The following SORCS2 variants were observed in gnomAD, a reference collection of about 807,000 sequenced individuals.
SORCS2 encodes sortilin related VPS10 domain containing receptor 2.
Under a neutral mutation model 141.6 loss-of-function variants are expected in SORCS2, and 100 were observed. That is an observed-to-expected ratio of 0.71 (90% CI 0.60 to 0.83). The LOEUF (loss-of-function observed/expected upper bound fraction) is 0.83. Ranked by LOEUF, SORCS2 falls within the 40% of genes least tolerant of loss-of-function variation. The pLI is 0.00. For missense variants in SORCS2, 1,646 were observed against 1,560.2 expected (o/e 1.05, Z -0.93); for synonymous variants, 789 against 676.9 (o/e 1.17, Z -2.57).
At chr4:7,643,232 T>C (rs1219098682) in intron 4 of SORCS2, among the ~76,000 whole-genome samples, 2 of 152,160 alleles carry the variant, frequency 1.3e-5, no homozygotes, top group Non-Finnish European at 2.9e-5. Flanking sequence ...TATGCATTTC[T>C]TCCAAGGCTC....
intron 2 of SORCS2, among the ~76,000 whole-genome samples, chr4:7,455,640 G>C (rs577550564): frequency 2.6e-4 from 39 of 148,040 alleles, no homozygotes; most frequent in African/African-American, 9.2e-4. Flanking sequence ...CAGGCGCCGT[G>C]TTGGGGTCAG....
chr4:7,649,290 C>T (rs948173849), intron 4 of SORCS2, among the ~76,000 whole-genome samples: 5 of 142,514 alleles, frequency 3.5e-5, no homozygotes, highest in African/African-American at 7.7e-5. Context: ...CTGAGCCGAG[C>T]GTGCCTGGGG....
At position 7,648,720 on chromosome 4, in the gene SORCS2, C is replaced by T. The variant is rs1467303384; in HGVS notation, c.814-5414C>T. Among the ~76,000 whole-genome samples, 1 of 151,966 alleles carries T rather than the reference C, an allele frequency of 6.6e-6. No individual in the cohort carries two copies. The highest frequency in any genetic ancestry group is 2.4e-5 in the African/African-American group (1 of 41,344). On this transcript the variant is annotated intron_variant, in intron 4 of 26. Transcript: ENST00000507866. This position sits in a 1 kb window ranked among gnomAD's most constrained non-coding sequence, Gnocchi z 4.2. ...GCTCAGAATGTGAGCTTGGACCTGC[C>T]ATGGTGGAGGAAGAGAGGCTAGAAA...
intron 2 of SORCS2, among the ~76,000 whole-genome samples, chr4:7,491,630 G>A (rs1377418727): frequency 6.6e-6 from 1 of 152,234 alleles, no homozygotes; most frequent in Non-Finnish European, 1.5e-5. Context: ...CTGAGCTTCT[G>A]TGATCTCATT....
At chr4:7,387,813 GATAC>G (rs1723531764) in intron 1 of SORCS2, among the ~76,000 whole-genome samples, 1 of 48,696 alleles carries the variant, frequency 2.1e-5, no homozygotes, top group Non-Finnish European at 3.7e-5. Context: ...TGCACACACA[GATAC>G]AGAGATACAC....
At chr4:7,610,187 T>G (rs563014900) in intron 3 of SORCS2, among the ~76,000 whole-genome samples, 1 of 152,314 alleles carries the variant, frequency 6.6e-6, no homozygotes, top group South Asian at 2.1e-4. Context: ...GTTCCGAAGA[T>G]GCAATTAGCC....
chr4:7,427,509 G>A (rs1309472734), intron 2 of SORCS2, among the ~76,000 whole-genome samples: 1 of 152,320 alleles, frequency 6.6e-6, no homozygotes, highest in Non-Finnish European at 1.5e-5. Flanking sequence ...GCTGGGCTGC[G>A]CCTGGGACTT....
At chr4:7,455,810 C>T (rs911174847) in intron 2 of SORCS2, among the ~76,000 whole-genome samples, 4 of 152,034 alleles carry the variant, frequency 2.6e-5, no homozygotes, top group African/African-American at 9.7e-5. Flanking sequence ...GTGTTAGGGT[C>T]AGGCTCTGTG....
At chr4:7,297,708 G>A (rs533667934) in intron 1 of SORCS2, among the ~76,000 whole-genome samples, 1 of 152,222 alleles carries the variant, frequency 6.6e-6, no homozygotes, top group African/African-American at 2.4e-5. Context: ...CCGTGTAGAA[G>A]GGACTTAGAC....
chr4:7,533,063 C>A (rs1272444406), intron 3 of SORCS2, among the ~76,000 whole-genome samples: 3 of 152,160 alleles, frequency 2.0e-5, no homozygotes, highest in Non-Finnish European at 4.4e-5. Flanking sequence ...CTCTTTCCAT[C>A]CCACAGCAGC....
chr4:7,358,907 C>T (rs1194192683), intron 1 of SORCS2, among the ~76,000 whole-genome samples: 1 of 151,904 alleles, frequency 6.6e-6, no homozygotes, highest in Non-Finnish European at 1.5e-5. Flanking sequence ...GATGTGATCA[C>T]AGCTCACTGC....
At chr4:7,500,966 C>A (rs116143710) in intron 2 of SORCS2, among the ~76,000 whole-genome samples, 1 of 152,204 alleles carries the variant, frequency 6.6e-6, no homozygotes. Flanking sequence ...CCAGGGAGCT[C>A]GGCTCAAGCC....
chr4:7,697,507 T>G (rs1425286477), intron 12 of SORCS2, among the ~76,000 whole-genome samples: 1 of 152,188 alleles, frequency 6.6e-6, no homozygotes, highest in East Asian at 1.9e-4. Flanking sequence ...CAGCTGCTCT[T>G]CCCATGGCCA....
chr4:7,541,817 T>C (rs905952094), intron 3 of SORCS2, among the ~76,000 whole-genome samples: 1 of 152,164 alleles, frequency 6.6e-6, no homozygotes, highest in African/African-American at 2.4e-5. Context: ...GACATGATGG[T>C]GCAGCTACAC....
Position 7,379,629 on chromosome 4 carries a change from G to A in SORCS2, c.481-16659G>A, listed in dbSNP as rs558129399. On this transcript the variant is annotated intron_variant, in intron 1 of 26. Transcript: ENST00000507866. ...TGTCCATTTTGCAGATGGTATGATT[G>A]CAGAGGGATGGGTAACCTGCCCAAA... is the stretch of plus-strand genomic sequence containing the variant. Among the ~76,000 whole-genome samples the A allele has an allele frequency of 2.0e-5, 3 of 152,334 alleles. No individual in the cohort carries two copies. The East Asian group carries it at 5.8e-4, about 29-fold the overall frequency.
intron 2 of SORCS2, among the ~76,000 whole-genome samples, chr4:7,424,476 C>T (rs937344142): frequency 1.2e-4 from 19 of 152,214 alleles, no homozygotes; most frequent in African/African-American, 4.3e-4. Context: ...GCTATAAAAT[C>T]CGGGTCCACA....
intron 26 of SORCS2, among the ~76,000 whole-genome samples, chr4:7,738,528 G>T (rs1453194828): frequency 1.3e-5 from 2 of 152,168 alleles, no homozygotes; most frequent in Admixed American, 1.3e-4. Context: ...ATTTTATGGT[G>T]ACGTCGGCAC....
chr4:7,504,141 C>T (rs575204735), intron 2 of SORCS2, among the ~76,000 whole-genome samples: 3 of 152,348 alleles, frequency 2.0e-5, no homozygotes, highest in Admixed American at 6.5e-5. Flanking sequence ...CTCACAGCTG[C>T]GCTCTCAGAA....
chr4:7,602,832 A>C (rs1717818969), intron 3 of SORCS2, among the ~76,000 whole-genome samples: 1 of 152,188 alleles, frequency 6.6e-6, no homozygotes, highest in Non-Finnish European at 1.5e-5. Flanking sequence ...GGTTGTAGCC[A>C]ACCGAGATCA....
Sources: allele counts gnomAD v4.1 joint callset (sites outside exome capture counted in the v4.1 genomes callset), GRCh38; gene constraint gnomAD v4.1.1; non-coding constraint Gnocchi (gnomAD v3.1); transcripts MANE v1.5; gene names NCBI Gene and HGNC (gene_info 2026-07-23, HGNC 2026-07-21).